Variants in TBC1D16 observed in about 807,000 individuals in gnomAD.
The protein encoded by TBC1D16 is CTD-2529O21.1.
In TBC1D16, 58 loss-of-function variants were observed where a neutral mutation model predicts 74.7. The observed-to-expected ratio is 0.78, with a 90% CI of 0.63 to 0.97. The LOEUF is 0.97. Among genes scored for constraint, TBC1D16 ranks in the 50% least tolerant of loss-of-function variants. The pLI is 0.00. For synonymous variants in TBC1D16, 493 were observed against 474.7 expected (o/e 1.04, Z -0.50); for missense variants, 1,014 against 1,079.5 (o/e 0.94, Z 0.85).
chr17:79,973,891 T>C (rs2362384), intron 3 of TBC1D16, among the ~76,000 whole-genome samples: 17,513 of 152,044 alleles, frequency 0.12, 1,221 homozygotes, highest in East Asian at 0.22. Context: ...CCCAAAACAA[T>C]ATACTGTAAT....
At chr17:79,997,907 C>T (rs1306541227) in intron 3 of TBC1D16, among the ~76,000 whole-genome samples, 4 of 152,068 alleles carry the variant, frequency 2.6e-5, no homozygotes, top group African/African-American at 9.7e-5. Context: ...GGTGCATCAC[C>T]TGAGGTCAGG....
Position 79,994,329 on chromosome 17 carries a change from C to T in TBC1D16, c.779+15831G>A, listed in dbSNP as rs1191173312. On this transcript the variant is annotated intron_variant, in intron 3 of 11. Transcript: ENST00000310924. The surrounding 1 kb of genome is among the most constrained non-coding windows in gnomAD (Gnocchi z 4.6). ...GAACCCCCGACAAGAGGCAATGAAACCCCCTCCTCCTAGAGGCTGCCCAAC... is the reference window on the plus strand; with the variant it reads ...GAACCCCCGACAAGAGGCAATGAAATCCCCTCCTCCTAGAGGCTGCCCAAC... Among the ~76,000 whole-genome samples, 1 of 152,110 alleles carries T rather than the reference C, an allele frequency of 6.6e-6. No individual in the cohort carries two copies. Among genetic ancestry groups the T allele is most frequent in the Non-Finnish European group, 1.5e-5 (1 of 68,024 alleles).
At position 79,954,267 on chromosome 17, in the gene TBC1D16, G is replaced by A. The variant is rs2033228041; in HGVS notation, c.780-1449C>T. On this transcript the variant is annotated intron_variant, in intron 3 of 11. Coordinates refer to ENST00000310924, the MANE Select transcript of TBC1D16 (RefSeq NM_019020.4). This position sits in a 1 kb window ranked among gnomAD's most constrained non-coding sequence, Gnocchi z 5.5. ...GCACTTCCTCCTCCAAGAAGCACCA[G>A]GTCTAAGTAAATAAAGCTCCTTTGG... Among the ~76,000 whole-genome samples the A allele has an allele frequency of 6.6e-6, 1 of 152,150 alleles. No individual in the cohort carries two copies. The highest frequency in any genetic ancestry group is 2.4e-5 in the African/African-American group (1 of 41,416).
At chr17:79,946,993 G>T (rs2032597420) in intron 9 of TBC1D16, among the ~76,000 whole-genome samples, 1 of 152,212 alleles carries the variant, frequency 6.6e-6, no homozygotes, top group South Asian at 2.1e-4. Context: ...TGGGTGATGT[G>T]TGCTGAGAAC....
In TBC1D16 at chr17:79,985,846, A is replaced by G. The variant is rs943890347; in HGVS notation, c.779+24314T>C. Among the ~76,000 whole-genome samples the G allele has an allele frequency of 6.6e-6, 1 of 152,132 alleles. No homozygotes were observed. Among genetic ancestry groups the G allele is most frequent in the African/African-American group, 2.4e-5 (1 of 41,440 alleles). ...CAGCCACAACTTCAATGCCCACAACAAACTGCCAATCAAGGCTGTGGAGGT... is the reference window on the plus strand; with the variant it reads ...CAGCCACAACTTCAATGCCCACAACGAACTGCCAATCAAGGCTGTGGAGGT... On this transcript the variant is annotated intron_variant, in intron 3 of 11. Coordinates refer to ENST00000310924, the MANE Select transcript of TBC1D16 (RefSeq NM_019020.4). This position sits in a 1 kb window ranked among gnomAD's most constrained non-coding sequence, Gnocchi z 4.9.
rs2035750936 is a variant in TBC1D16, at chr17:80,008,231, C to A, written c.779+1929G>T. ...CGAACCGGGGTGCATTCTCACAATACCCCCAGAAAGTGGATATTACCAGCC... is the reference window on the plus strand; with the variant it reads ...CGAACCGGGGTGCATTCTCACAATAACCCCAGAAAGTGGATATTACCAGCC... On this transcript the variant is annotated intron_variant, in intron 3 of 11. Transcript: ENST00000310924. This position sits in a 1 kb window ranked among gnomAD's most constrained non-coding sequence, Gnocchi z 4.5. Among the ~76,000 whole-genome samples the A allele has an allele frequency of 1.3e-5, 2 of 152,086 alleles. No individual in the cohort carries two copies. The highest frequency in any genetic ancestry group is 2.9e-5 in the Non-Finnish European group (2 of 68,016).
intron 1 of TBC1D16, among the ~76,000 whole-genome samples, chr17:80,030,392 G>A (rs757746453): frequency 1.1e-4 from 17 of 152,296 alleles, no homozygotes; most frequent in Non-Finnish European, 2.2e-4. Context: ...TGAGGGCAGC[G>A]AGAATGGACA....
rs2035503600 is a variant in TBC1D16, at chr17:80,001,950, G to A, written c.779+8210C>T. 6.6e-6 allele frequency among the ~76,000 whole-genome samples: 1 copy of A among 152,182 alleles called. No individual in the cohort carries two copies. The highest frequency in any genetic ancestry group is 2.4e-5 in the African/African-American group (1 of 41,424). On this transcript the variant is annotated intron_variant, in intron 3 of 11. Transcript: ENST00000310924. The surrounding 1 kb of genome is among the most constrained non-coding windows in gnomAD (Gnocchi z 5.8). The stretch of plus-strand genomic sequence containing the variant: ...CTGCTGCGCCCCGGAACAAAGACGG[G>A]AAGGGCAAAGTGTGTCCTGATTCGT...
chr17:79,943,764 G>A, intron 10 of TBC1D16: 1 of 1,166,780 alleles, frequency 8.6e-7, no homozygotes, highest in South Asian at 1.8e-5. Flanking sequence ...CACAGTAGGT[G>A]TCCATGGGAA....
intron 3 of TBC1D16, among the ~76,000 whole-genome samples, chr17:79,977,122 C>T (rs1013897193): frequency 4.1e-4 from 63 of 152,318 alleles, no homozygotes; most frequent in African/African-American, 1.5e-3. Flanking sequence ...CCAGAATATC[C>T]TACTTTGCCT....
chr17:80,025,519 C>G (rs560433434), intron 1 of TBC1D16, among the ~76,000 whole-genome samples: 2 of 149,742 alleles, frequency 1.3e-5, no homozygotes, highest in East Asian at 3.9e-4. Flanking sequence ...CCCCGGAGAG[C>G]CCTGGAGAGT....
At position 79,940,565 on chromosome 17, in the gene TBC1D16, C is replaced by T. The variant is rs2031885424; in HGVS notation, c.*294G>A. ...AAATCCTGGGACATGTTGAAATCCTCCAGGGCAGCCAGCAGGAGAGCCCAG... is the reference window on the plus strand; with the variant it reads ...AAATCCTGGGACATGTTGAAATCCTTCAGGGCAGCCAGCAGGAGAGCCCAG... On this transcript the variant is annotated 3_prime_UTR_variant, in exon 12 of 12. Coordinates refer to ENST00000310924, the MANE Select transcript of TBC1D16 (RefSeq NM_019020.4). This position sits in a 1 kb window ranked among gnomAD's most constrained non-coding sequence, Gnocchi z 5.4. 1.3e-5 allele frequency: 4 copies of T among 299,500 alleles called. No homozygotes were observed. The highest frequency in any genetic ancestry group is 2.5e-5 in the Non-Finnish European group (4 of 162,136). 18.6% of individuals were successfully genotyped at this position (299,500 alleles called of 1,614,324 possible). A position where few individuals can be genotyped will look rare whatever the true frequency, so the allele number is the denominator to read the frequency against.
At chr17:80,013,940 C>T (rs1189964677) in intron 1 of TBC1D16, among the ~76,000 whole-genome samples, 1 of 152,204 alleles carries the variant, frequency 6.6e-6, no homozygotes, top group Non-Finnish European at 1.5e-5. Flanking sequence ...TACAGAAACT[C>T]TGTTCCCACC....
rs2031489920 is a variant in TBC1D16, at chr17:79,934,910, T to C, written c.*5949A>G. On this transcript the variant is annotated 3_prime_UTR_variant, in exon 12 of 12. Coordinates refer to ENST00000310924, the MANE Select transcript of TBC1D16 (RefSeq NM_019020.4). Reference sequence around the variant, plus strand: ...GTTGGAAACCCCAAAGGGCGCTTGATGAAGAGCTGGAGCTCCCCGCCCCCC... The same window carrying C: ...GTTGGAAACCCCAAAGGGCGCTTGACGAAGAGCTGGAGCTCCCCGCCCCCC... The C allele has an allele frequency of 6.6e-6, 1 of 152,222 alleles. No individual in the cohort carries two copies. The highest frequency in any genetic ancestry group is 1.5e-5 in the Non-Finnish European group (1 of 68,076). 9.4% of individuals were successfully genotyped at this position (152,222 alleles called of 1,614,324 possible).
chr17:80,002,332 G>T (rs926560776), intron 3 of TBC1D16, among the ~76,000 whole-genome samples: 1 of 152,238 alleles, frequency 6.6e-6, no homozygotes, highest in Non-Finnish European at 1.5e-5. Flanking sequence ...ATACTCGGTC[G>T]ACAAGGAGCC....
chr17:80,025,634 A>G (rs9899890), intron 1 of TBC1D16, among the ~76,000 whole-genome samples: 1 of 66,990 alleles, frequency 1.5e-5, no homozygotes, highest in Non-Finnish European at 3.2e-5. Context: ...GGAGCCCCCC[A>G]CCCCCACCCA....
intron 3 of TBC1D16, among the ~76,000 whole-genome samples, chr17:79,970,450 C>T (rs945985233): frequency 3.9e-5 from 6 of 152,186 alleles, no homozygotes; most frequent in African/African-American, 7.2e-5. Context: ...ACTATGCACC[C>T]GCTCTCTCCC....
chr17:80,019,002 G>A (rs1387435130), intron 1 of TBC1D16, among the ~76,000 whole-genome samples: 5 of 150,184 alleles, frequency 3.3e-5, no homozygotes, highest in African/African-American at 1.3e-4. Context: ...AGCCTGCGCG[G>A]TGTCCACACT....
Position 79,986,871 on chromosome 17 carries a change from C to T in TBC1D16, c.779+23289G>A, listed in dbSNP as rs1399630745. ...GCCGGGCCGGTGGGAGGGCGTGATG[C>T]ATGGGAGGAGCTGGACTGCGGTCAG... On this transcript the variant is annotated intron_variant, in intron 3 of 11. Coordinates refer to ENST00000310924, the MANE Select transcript of TBC1D16 (RefSeq NM_019020.4). The surrounding 1 kb of genome is among the most constrained non-coding windows in gnomAD (Gnocchi z 6.0). 1.3e-5 allele frequency among the ~76,000 whole-genome samples: 2 copies of T among 152,358 alleles called. No individual in the cohort carries two copies. Among genetic ancestry groups the T allele is most frequent in the East Asian group, 3.9e-4 (2 of 5,180 alleles).
Sources: allele counts gnomAD v4.1 joint callset (sites outside exome capture counted in the v4.1 genomes callset), GRCh38; gene constraint gnomAD v4.1.1; non-coding constraint Gnocchi (gnomAD v3.1); transcripts MANE v1.5; gene names NCBI Gene and HGNC (gene_info 2026-07-23, HGNC 2026-07-21).